Variants in DSG1 observed in about 807,000 individuals in gnomAD.
DSG1 encodes the protein desmoglein 1, also known as desmoglein-1.
A neutral mutation model predicts 97.5 loss-of-function variants in DSG1; 39 were observed. The ratio of observed to expected loss-of-function variants is 0.40; its 90% confidence interval spans 0.31 to 0.52. The LOEUF is 0.52. Ranked by LOEUF, DSG1 falls within the 20% of genes least tolerant of loss-of-function variation. The pLI is 0.53. For missense variants in DSG1, 1,311 were observed against 1,295.4 expected (o/e 1.01, Z -0.18); for synonymous variants, 475 against 443.4 (o/e 1.07, Z -0.90).
intron 11 of DSG1, among the ~76,000 whole-genome samples, chr18:31,340,733 C>T (rs1483119707): frequency 1.3e-5 from 2 of 152,036 alleles, no homozygotes; most frequent in African/African-American, 4.8e-5. Context: ...TGAAGAACTC[C>T]AGTGTGCAAG....
At chr18:31,347,435 TCTCA>T (rs745338280) in intron 14 of DSG1, among the ~76,000 whole-genome samples, 9 of 152,184 alleles carry the variant, frequency 5.9e-5, no homozygotes, top group Non-Finnish European at 1.0e-4. Flanking sequence ...GTGTTGTCTG[TCTCA>T]CTCACCCAAA....
chr18:31,342,409 C>T (rs961694797), intron 11 of DSG1, among the ~76,000 whole-genome samples: 1 of 152,044 alleles, frequency 6.6e-6, no homozygotes, highest in Non-Finnish European at 1.5e-5. Context: ...TTCTCTCCCT[C>T]TCTCCCTTAT....
At chr18:31,342,892 T>G (rs915316750) in intron 11 of DSG1, among the ~76,000 whole-genome samples, 1 of 143,734 alleles carries the variant, frequency 7.0e-6, no homozygotes, top group Non-Finnish European at 1.5e-5. Flanking sequence ...TGTAATACTA[T>G]CTGTGATTTT....
rs561112685 is a variant in DSG1, at chr18:31,354,759, G to A, written c.2563G>A (p.Asp855Asn). 1.1e-5 allele frequency: 17 copies of A among 1,614,178 alleles called. No homozygotes were observed. Among genetic ancestry groups the A allele is most frequent in the African/African-American group, 4.0e-5 (3 of 75,040 alleles). Residue 855 changes from aspartate to asparagine, a missense_variant, in exon 15 of 15, where the codon GAT becomes AAT. By Grantham distance (23) the Asp-to-Asn change is conservative (BLOSUM62 1). Transcript: ENST00000257192. ...DTLKPSVHVH[D>N]NRPASNVVVT... ...TCTGAAGCCCTCTGTGCACGTTCACGATAACCGACCAGCATCAAACGTGGT... is the reference window on the plus strand; with the variant it reads ...TCTGAAGCCCTCTGTGCACGTTCACAATAACCGACCAGCATCAAACGTGGT...
At position 31,357,332 on chromosome 18, in the gene DSG1, C is replaced by T. The variant is rs574595094; in HGVS notation, c.*1986C>T. The stretch of plus-strand genomic sequence containing the variant: ...TTTTCTTTTTCTGACACTTAGGGGG[C>T]CACATTAAGGATGGGTAATCTTTCC... On this transcript the variant is annotated 3_prime_UTR_variant, in exon 15 of 15. Coordinates refer to ENST00000257192, the MANE Select transcript of DSG1 (RefSeq NM_001942.4). Among the ~76,000 whole-genome samples the T allele has an allele frequency of 3.3e-5, 5 of 151,898 alleles. No individual in the cohort carries two copies. The East Asian group carries it at 9.7e-4, about 29-fold the overall frequency.
In DSG1 at chr18:31,331,697, C is replaced by G; in HGVS notation, c.518-4C>G. The G allele has an allele frequency of 6.2e-7, 1 of 1,611,914 alleles. No homozygotes were observed. Among genetic ancestry groups the G allele is most frequent in the Non-Finnish European group, 8.5e-7 (1 of 1,178,624 alleles). ...ATTTGCAATCAATTTTCCTTAATTT[C>G]TAGATACACTGGTGATGATACTCAA... On this transcript the variant is annotated splice_region_variant and splice_polypyrimidine_tract_variant and intron_variant, in intron 5 of 14. Transcript: ENST00000257192.
At chr18:31,343,375 C>G in intron 11 of DSG1, 75 bp from the exon 12 acceptor site, 1 of 1,580,564 alleles carries the variant, frequency 6.3e-7, no homozygotes, top group Non-Finnish European at 8.7e-7. Flanking sequence ...CAAATTTAAC[C>G]ATAAAAAATC....
intron 10 of DSG1, 40 bp downstream of exon 10, chr18:31,338,494 G>A: frequency 6.3e-7 from 1 of 1,594,568 alleles, no homozygotes; most frequent in Non-Finnish European, 8.6e-7. Context: ...TCTAGAGAAA[G>A]CTGTATATAC....
intron 1 of DSG1, among the ~76,000 whole-genome samples, chr18:31,321,117 A>C (rs910377110): frequency 3.2e-5 from 4 of 125,348 alleles, no homozygotes; most frequent in South Asian, 2.7e-4. Flanking sequence ...ACAAAAAAAA[A>C]CCCAACCCTC....
intron 1 of DSG1, among the ~76,000 whole-genome samples, chr18:31,319,198 T>C (rs1035551630): frequency 2.6e-5 from 4 of 152,168 alleles, no homozygotes; most frequent in African/African-American, 9.7e-5. Context: ...TCACTTTCAG[T>C]GAAAATTTGA....
At position 31,331,777 on chromosome 18, in the gene DSG1, T is replaced by G; in HGVS notation, c.594T>G (p.Ile198Met). Residue 198 changes from isoleucine to methionine, a missense_variant, in exon 6 of 15, where the codon ATT (isoleucine) becomes ATG (methionine). Transcript: ENST00000257192. ...TGAACTCAAAAATAGCCTTCAAGAT[T>G]ATAAGACAAGAACCTTCAGATTCAC... The part of the protein sequence containing the change: ...NNLNSKIAFK[I>M]IRQEPSDSPM... The G allele has an allele frequency of 1.2e-6, 2 of 1,612,892 alleles. No individual in the cohort carries two copies. Among genetic ancestry groups the G allele is most frequent in the African/African-American group, 1.3e-5 (1 of 74,978 alleles).
intron 14 of DSG1, among the ~76,000 whole-genome samples, chr18:31,347,334 C>A (rs2071847967): frequency 6.6e-6 from 1 of 152,126 alleles, no homozygotes; most frequent in South Asian, 2.1e-4. Context: ...TTATCAGAGA[C>A]CCCTTCCTTG....
At chr18:31,318,721 G>A (rs79867797) in intron 1 of DSG1, among the ~76,000 whole-genome samples, 1 of 125,564 alleles carries the variant, frequency 8.0e-6, no homozygotes, top group African/African-American at 2.6e-5. Flanking sequence ...TTTTTAACCT[G>A]TTTTTTTTTT....
chr18:31,332,971 G>A (rs549707229), intron 6 of DSG1, among the ~76,000 whole-genome samples: 9 of 152,280 alleles, frequency 5.9e-5, no homozygotes, highest in Non-Finnish European at 4.4e-5. Flanking sequence ...AGCCACCAGG[G>A]CAGATATTCT....
intron 1 of DSG1, among the ~76,000 whole-genome samples, chr18:31,321,161 C>T (rs9947296): frequency 0.38 from 58,125 of 151,642 alleles, 12,695 homozygotes; most frequent in Non-Finnish European, 0.49. Flanking sequence ...CAGTTTGAAC[C>T]GAACTGAAAT....
chr18:31,346,171 G>T lies in DSG1; in HGVS notation c.2073G>T (p.Met691Ile). The part of the protein sequence containing the change: ...MRECREGGLN[M>I]NFMESYFCQK... ...AATGTAGAGAAGGAGGTCTGAATAT[G>T]AATTTCATGGAAAGCTACTTCTGTC... The change falls in exon 14 of 15, where the codon ATG becomes ATT. Residue 691 changes from methionine (M) to isoleucine (I), a missense_variant. Around this residue, in one of 3 missense-constraint regions of DSG1, gnomAD observed 1,038 missense variants for 964.6 expected, o/e 1.08. Transcript: ENST00000257192. The T allele has an allele frequency of 6.2e-7, 1 of 1,613,794 alleles. No homozygotes were observed. The highest frequency in any genetic ancestry group is 1.1e-5 in the South Asian group (1 of 91,036).
chr18:31,332,154 T>C (rs965233115), intron 6 of DSG1, among the ~76,000 whole-genome samples: 2 of 152,070 alleles, frequency 1.3e-5, no homozygotes, highest in African/African-American at 4.8e-5. Context: ...GAATCTAAGG[T>C]AGAATCAAAA....
intron 11 of DSG1, among the ~76,000 whole-genome samples, chr18:31,341,552 C>CA (rs1053437087): frequency 1.1e-4 from 17 of 151,978 alleles, no homozygotes; most frequent in Non-Finnish European, 2.4e-4. Flanking sequence ...AACGTATTTC[C>CA]AAAAAATGAA....
At chr18:31,320,671 T>C (rs12963302) in intron 1 of DSG1, among the ~76,000 whole-genome samples, 60,747 of 152,128 alleles carry the variant, frequency 0.4, 13,346 homozygotes, top group Non-Finnish European at 0.49. Flanking sequence ...TAATTCTGCA[T>C]CTATTTTTCA....
Sources: gnomAD v4.1 joint callset for allele counts (sites outside exome capture counted in the v4.1 genomes callset) on GRCh38, gnomAD v4.1.1 for gene constraint, gnomAD v4.1.1 regional missense constraint, MANE v1.5 for transcripts, NCBI Gene and HGNC (gene_info 2026-07-23, HGNC 2026-07-21) for gene names.